The following AGBL1 variants were observed in gnomAD, a reference collection of about 807,000 sequenced individuals.
AGBL1 encodes the protein AGBL carboxypeptidase 1.
AGBL1 carries 130 observed loss-of-function variants against 118.9 expected under a neutral mutation model. The ratio of observed to expected loss-of-function variants is 1.09; its 90% CI spans 0.95 to 1.26. AGBL1 has a LOEUF of 1.26. Ranked by LOEUF, AGBL1 falls within the 50% of genes most tolerant of loss-of-function variation. The pLI, the probability that AGBL1 is intolerant of heterozygous loss-of-function variation, is 0.00. For synonymous variants in AGBL1, 555 were observed against 478.9 expected (o/e 1.16, Z -2.08); for missense variants, 1,584 against 1,298.1 (o/e 1.22, Z -3.38).
intron 18 of AGBL1, among the ~76,000 whole-genome samples, chr15:86,465,595 T>C (rs2082393402): frequency 1.3e-5 from 2 of 152,182 alleles, no homozygotes; most frequent in Non-Finnish European, 2.9e-5. Flanking sequence ...GCATTCCCAG[T>C]AGGAGGTCTC....
At chr15:86,207,387 A>G (rs905074537) in intron 5 of AGBL1, among the ~76,000 whole-genome samples, 2 of 152,284 alleles carry the variant, frequency 1.3e-5, no homozygotes, top group East Asian at 1.9e-4. Context: ...CATTGAATCT[A>G]TAAATTACCT....
chr15:86,477,412 T>G (rs1015784331), intron 18 of AGBL1, among the ~76,000 whole-genome samples: 2 of 151,972 alleles, frequency 1.3e-5, no homozygotes, highest in Non-Finnish European at 2.9e-5. Context: ...CACCACCGAT[T>G]CCACAGAAAT....
chr15:86,156,787 T>TTTC (rs386383685), intron 4 of AGBL1, among the ~76,000 whole-genome samples: 3 of 130,834 alleles, frequency 2.3e-5, no homozygotes, highest in Non-Finnish European at 3.3e-5. Flanking sequence ...TCTTTTTTCT[T>TTTC]TTCTTTCTTT....
chr15:86,941,566 G>T (rs1176094763), intron 23 of AGBL1, among the ~76,000 whole-genome samples: 1 of 152,224 alleles, frequency 6.6e-6, no homozygotes, highest in Non-Finnish European at 1.5e-5. Context: ...TGTGGCTCAT[G>T]ATGGCAGAGA....
At chr15:86,887,035 T>A (rs2079980385) in intron 22 of AGBL1, among the ~76,000 whole-genome samples, 1 of 152,178 alleles carries the variant, frequency 6.6e-6, no homozygotes, top group African/African-American at 2.4e-5. Flanking sequence ...GTTCCCACAG[T>A]GAGAAGGTTT....
chr15:86,486,831 C>G (rs920522935), intron 18 of AGBL1, among the ~76,000 whole-genome samples: 1 of 151,938 alleles, frequency 6.6e-6, no homozygotes, highest in African/African-American at 2.4e-5. Context: ...ATGCATTTGC[C>G]CTACTCCTGC....
At chr15:86,207,759 CA>C (rs2141875481) in intron 5 of AGBL1, among the ~76,000 whole-genome samples, 1 of 152,292 alleles carries the variant, frequency 6.6e-6, no homozygotes, top group South Asian at 2.1e-4. Context: ...CATCTGCAAA[CA>C]GGGAAAATTT....
At chr15:86,831,170 T>C (rs530898842) in intron 22 of AGBL1, among the ~76,000 whole-genome samples, 33 of 152,266 alleles carry the variant, frequency 2.2e-4, no homozygotes, top group Admixed American at 1.8e-3. Flanking sequence ...TACCTCCCCC[T>C]GGGTTCCTCC....
rs182683435 is a variant in AGBL1, at chr15:86,685,954, C to T, written c.3158+11518C>T. On this transcript the variant is annotated intron_variant, in intron 22 of 22. Coordinates refer to ENST00000614907, the MANE Select transcript of AGBL1 (RefSeq NM_001386094.1). ...TCAGTACAAAGATCGTAACATCCTC[C>T]ACTATAGGGAAATATATGTGAAAGT... Among the ~76,000 whole-genome samples the T allele has an allele frequency of 2.2e-3, 337 of 152,246 alleles. 2 individuals are homozygous for T. The highest frequency in any genetic ancestry group is 7.8e-3 in the African/African-American group (326 of 41,544).
At chr15:86,571,823 G>C (rs961736744) in intron 21 of AGBL1, among the ~76,000 whole-genome samples, 1 of 152,176 alleles carries the variant, frequency 6.6e-6, no homozygotes, top group Non-Finnish European at 1.5e-5. Flanking sequence ...CAGCCCCCAG[G>C]CTTCAGGCCC....
At chr15:87,028,629 CA>C (rs985586169) in intron 24 of AGBL1, among the ~76,000 whole-genome samples, 5 of 151,894 alleles carry the variant, frequency 3.3e-5, no homozygotes, top group Non-Finnish European at 7.4e-5. Flanking sequence ...CATGCCCTCA[CA>C]TTCTCACATT....
chr15:86,196,919 A>G (rs2077822333), intron 5 of AGBL1, among the ~76,000 whole-genome samples: 1 of 151,208 alleles, frequency 6.6e-6, no homozygotes, highest in Admixed American at 6.6e-5. Context: ...ACACACACAC[A>G]CACACACGAA....
intron 19 of AGBL1, among the ~76,000 whole-genome samples, chr15:86,526,458 G>A (rs2083262926): frequency 6.7e-6 from 1 of 149,926 alleles, no homozygotes; most frequent in Admixed American, 6.7e-5. Context: ...CAAAGATATG[G>A]AATCAACCTA....
chr15:86,355,979 T>A (rs1382204751), intron 17 of AGBL1, among the ~76,000 whole-genome samples: 1 of 152,212 alleles, frequency 6.6e-6, no homozygotes, highest in African/African-American at 2.4e-5. Flanking sequence ...TGTCTTCTTT[T>A]CAGCACCAGA....
intron 22 of AGBL1, among the ~76,000 whole-genome samples, chr15:86,897,419 A>G (rs1451791027): frequency 2.6e-5 from 4 of 152,074 alleles, no homozygotes; most frequent in Non-Finnish European, 5.9e-5. Context: ...TTTCTATTAT[A>G]TCTTTAAACT....
intron 22 of AGBL1, among the ~76,000 whole-genome samples, chr15:86,763,303 T>C (rs2078052049): frequency 6.6e-6 from 1 of 152,070 alleles, no homozygotes; most frequent in Non-Finnish European, 1.5e-5. Context: ...TTTTAGATTA[T>C]TTGTGGGTTC....
intron 1 of AGBL1, among the ~76,000 whole-genome samples, chr15:86,131,009 C>G (rs1257587416): frequency 6.6e-6 from 1 of 152,162 alleles, no homozygotes; most frequent in Non-Finnish European, 1.5e-5. Context: ...CCCAGTTCAG[C>G]TGAGAGCTTA....
chr15:87,009,942 C>T (rs776449419), intron 24 of AGBL1, among the ~76,000 whole-genome samples: 5 of 152,174 alleles, frequency 3.3e-5, no homozygotes, highest in African/African-American at 7.2e-5. Flanking sequence ...TTTACATGCT[C>T]ATATGCAGAA....
At chr15:86,866,078 C>CT (rs1178675547) in intron 22 of AGBL1, among the ~76,000 whole-genome samples, 2 of 152,190 alleles carry the variant, frequency 1.3e-5, no homozygotes, top group Middle Eastern at 3.2e-3. Flanking sequence ...GTCATCTACT[C>CT]TGCCATTCTT....
Sources: allele counts gnomAD v4.1 joint callset (sites outside exome capture counted in the v4.1 genomes callset), GRCh38; gene constraint gnomAD v4.1.1; transcripts MANE v1.5; gene names NCBI Gene and HGNC (gene_info 2026-07-23, HGNC 2026-07-21).